PDE4D: variants seen among roughly 807,000 people sequenced by gnomAD.
The protein encoded by PDE4D is 3',5'-cyclic-AMP phosphodiesterase 4D.
A neutral mutation model predicts 87.4 loss-of-function variants in PDE4D; 24 were observed. The ratio of observed to expected loss-of-function variants is 0.27; its 90% CI spans 0.20 to 0.39. The LOEUF (loss-of-function observed/expected upper bound fraction) is 0.39, where lower values mean the gene tolerates loss of function less well. Among genes scored for constraint, PDE4D ranks in the 10% least tolerant of loss-of-function variants. PDE4D has a pLI of 1.00. For synonymous variants in PDE4D, 384 were observed against 383.2 expected, an observed-to-expected ratio of 1.00 and a Z score of -0.02; for missense variants, 714 against 1,041.0, an observed-to-expected ratio of 0.69 and a Z score of 4.32.
intron 1 of PDE4D, among the ~76,000 whole-genome samples, chr5:59,722,353 T>C (rs1755964702): frequency 6.6e-6 from 1 of 152,198 alleles, no homozygotes. Context: ...ATGAACAACC[T>C]GAATTTAAAA....
intron 1 of PDE4D, among the ~76,000 whole-genome samples, chr5:60,463,191 C>T (rs1184339762): frequency 2.6e-5 from 4 of 152,116 alleles, no homozygotes; most frequent in African/African-American, 9.7e-5. Flanking sequence ...CCTATGCATA[C>T]AGGATTTAAT....
intron 5 of PDE4D, among the ~76,000 whole-genome samples, chr5:59,177,473 A>G (rs1784075813): frequency 6.6e-6 from 1 of 152,240 alleles, no homozygotes; most frequent in African/African-American, 2.4e-5. Flanking sequence ...GTGAGGCACT[A>G]TGCTAAGGGC....
intron 1 of PDE4D, among the ~76,000 whole-genome samples, chr5:59,342,565 T>A (rs1367092088): frequency 6.6e-6 from 1 of 152,144 alleles, no homozygotes; most frequent in Non-Finnish European, 1.5e-5. Flanking sequence ...TTAAAGTACA[T>A]AAATTTTGGG....
chr5:60,238,271 G>A (rs1583175798), intron 1 of PDE4D, among the ~76,000 whole-genome samples: 1 of 151,796 alleles, frequency 6.6e-6, no homozygotes, highest in African/African-American at 2.4e-5. Context: ...TAAGTCCATT[G>A]CACAAATATC....
At chr5:59,338,365 A>T (rs931904286) in intron 1 of PDE4D, among the ~76,000 whole-genome samples, 7 of 152,294 alleles carry the variant, frequency 4.6e-5, no homozygotes, top group Middle Eastern at 3.4e-3. Context: ...AAAGTTCTTT[A>T]CCTACACACA....
chr5:60,350,529 T>C (rs1269035698), intron 1 of PDE4D, among the ~76,000 whole-genome samples: 3 of 152,070 alleles, frequency 2.0e-5, no homozygotes, highest in Admixed American at 6.6e-5. Flanking sequence ...GCAGGTTACA[T>C]TCAATGAGTG....
intron 3 of PDE4D, among the ~76,000 whole-genome samples, chr5:59,186,517 A>G (rs143637107): frequency 1.1e-4 from 17 of 152,328 alleles, no homozygotes; most frequent in African/African-American, 4.1e-4. Context: ...AATTGCTTCA[A>G]AGTTTCCAGA....
intron 1 of PDE4D, among the ~76,000 whole-genome samples, chr5:60,406,464 G>T (rs1741540759): frequency 6.6e-6 from 1 of 152,120 alleles, no homozygotes; most frequent in South Asian, 2.1e-4. Flanking sequence ...AATGATTAAT[G>T]GGAAGAGTCC....
chr5:60,385,491 T>A (rs1288089829), intron 1 of PDE4D, among the ~76,000 whole-genome samples: 1 of 152,220 alleles, frequency 6.6e-6, no homozygotes, highest in Non-Finnish European at 1.5e-5. Flanking sequence ...GACTTGTAGC[T>A]GTTGTCTTGT....
chr5:59,017,543 C>T (rs78165411), intron 6 of PDE4D, among the ~76,000 whole-genome samples: 9,796 of 152,176 alleles, frequency 0.064, 420 homozygotes, highest in Non-Finnish European at 0.093. Flanking sequence ...CTCCTGTCCC[C>T]GAAGTTCTTC....
chr5:59,862,849 G>C (rs907392302), intron 1 of PDE4D, among the ~76,000 whole-genome samples: 6 of 152,174 alleles, frequency 3.9e-5, no homozygotes, highest in Non-Finnish European at 5.9e-5. Flanking sequence ...CAGTTTTACA[G>C]CTTCTGTGTT....
At chr5:59,268,062 G>C (rs1763147261) in intron 1 of PDE4D, among the ~76,000 whole-genome samples, 1 of 151,990 alleles carries the variant, frequency 6.6e-6, no homozygotes, top group Non-Finnish European at 1.5e-5. Context: ...TTCCATATTG[G>C]TCTCTGTATA....
intron 1 of PDE4D, among the ~76,000 whole-genome samples, chr5:60,507,381 A>G (rs1355783881): frequency 6.6e-6 from 1 of 152,152 alleles, no homozygotes; most frequent in African/African-American, 2.4e-5. Flanking sequence ...GGCCTAAGTG[A>G]TATTTTAAAA....
intron 1 of PDE4D, among the ~76,000 whole-genome samples, chr5:59,574,095 AATATATATTTAT>A (rs1822547665): frequency 6.7e-4 from 1 of 1,498 alleles, no homozygotes; most frequent in Non-Finnish European, 1.5e-3. Context: ...TATATATATA[AATATATATTTAT>A]ATATATATAT....
intron 3 of PDE4D, 68 bp downstream of exon 3, chr5:59,193,432 C>T (rs565880974): frequency 2.2e-5 from 30 of 1,341,596 alleles, no homozygotes; most frequent in Admixed American, 2.1e-4. Flanking sequence ...ATTAATAACC[C>T]GAACTAATTC....
intron 3 of PDE4D, chr5:59,986,463 A>G (rs1355206171): frequency 6.6e-6 from 1 of 152,256 alleles, no homozygotes; most frequent in Non-Finnish European, 1.5e-5. Context: ...ATGAGAAATC[A>G]TGGTTAGCAA....
intron 1 of PDE4D, among the ~76,000 whole-genome samples, chr5:59,858,194 T>TG (rs1455472646): frequency 7.9e-5 from 12 of 152,198 alleles, no homozygotes; most frequent in African/African-American, 2.9e-4. Context: ...GAGAGGTGAA[T>TG]GAGTGTTCTT....
intron 2 of PDE4D, among the ~76,000 whole-genome samples, chr5:60,005,269 G>A (rs1764366049): frequency 6.6e-6 from 1 of 152,126 alleles, no homozygotes; most frequent in Non-Finnish European, 1.5e-5. Flanking sequence ...CATAGGAACA[G>A]AGAGTAGAAT....
chr5:59,552,150 T>C (rs576081125), intron 1 of PDE4D, among the ~76,000 whole-genome samples: 202 of 152,244 alleles, frequency 1.3e-3, no homozygotes, highest in Non-Finnish European at 2.1e-3. Flanking sequence ...GCCTAGGAGG[T>C]GAAGGTTGCA....
Sources: allele counts gnomAD v4.1 joint callset (sites outside exome capture counted in the v4.1 genomes callset), GRCh38; gene constraint gnomAD v4.1.1; transcripts MANE v1.5; gene names NCBI Gene and HGNC (gene_info 2026-07-23, HGNC 2026-07-21).